FER: variants seen among roughly 807,000 people sequenced by gnomAD.
FER encodes tyrosine-protein kinase Fer.
A neutral mutation model predicts 111.0 loss-of-function variants in FER; 63 were observed. The observed-to-expected ratio is 0.57, with a 90% CI of 0.46 to 0.70. The LOEUF (loss-of-function observed/expected upper bound fraction) is 0.70. FER is among the 30% of genes least tolerant of loss of function. The probability of loss-of-function intolerance (pLI) is 0.00; values close to 1 mark genes in which losing one functional copy is unlikely to be tolerated. For synonymous variants in FER, 327 were observed against 313.9 expected (o/e 1.04, Z -0.44); for missense variants, 914 against 954.0 (o/e 0.96, Z 0.55).
chr5:108,759,518 T>C (rs1439121846), intron 1 of FER, among the ~76,000 whole-genome samples: 1 of 152,254 alleles, frequency 6.6e-6, no homozygotes, highest in African/African-American at 2.4e-5. Context: ...TCTGTCTTAG[T>C]CCATTTTGTG....
intron 13 of FER, among the ~76,000 whole-genome samples, chr5:108,993,236 T>C (rs370569917): frequency 1.3e-5 from 2 of 152,328 alleles, no homozygotes; most frequent in Admixed American, 6.5e-5. Context: ...CACTGCACTC[T>C]AGCCTGGGCA....
intron 3 of FER, among the ~76,000 whole-genome samples, chr5:108,800,929 C>A (rs1756575278): frequency 6.6e-6 from 1 of 152,126 alleles, no homozygotes; most frequent in South Asian, 2.1e-4. Context: ...TGCCTGTAGT[C>A]CCAGCTACTT....
At chr5:108,878,063 A>G (rs1393673672) in intron 8 of FER, among the ~76,000 whole-genome samples, 1 of 151,810 alleles carries the variant, frequency 6.6e-6, no homozygotes, top group Non-Finnish European at 1.5e-5. Flanking sequence ...GCACCACCAT[A>G]CTTGGCTAAT....
At chr5:109,167,906 G>C (rs1756721758) in intron 17 of FER, among the ~76,000 whole-genome samples, 1 of 152,134 alleles carries the variant, frequency 6.6e-6, no homozygotes, top group African/African-American at 2.4e-5. Flanking sequence ...AAAAATAGCT[G>C]AGGGTAAAGA....
Position 108,867,759 on chromosome 5 carries a change from T to G in FER, c.482-8T>G, listed in dbSNP as rs1161095244. ...TTACTAACTTTCTTCAGTTTTTTTT[T>G]TTTTCAGGGAAGGAAACTGAAAAGG... On this transcript the variant is annotated splice_polypyrimidine_tract_variant and splice_region_variant and intron_variant, in intron 5 of 19. Transcript: ENST00000281092. 1 of 1,591,770 alleles carries G rather than the reference T, an allele frequency of 6.3e-7. No homozygotes were observed. The highest frequency in any genetic ancestry group is 8.5e-7 in the Non-Finnish European group (1 of 1,173,800).
At chr5:108,926,915 T>C (rs1753819165) in intron 10 of FER, among the ~76,000 whole-genome samples, 1 of 152,156 alleles carries the variant, frequency 6.6e-6, no homozygotes, top group Non-Finnish European at 1.5e-5. Context: ...CACGAGAGTA[T>C]ATTTTAGGCA....
At chr5:108,878,766 G>A (rs989310752) in intron 8 of FER, among the ~76,000 whole-genome samples, 3 of 152,054 alleles carry the variant, frequency 2.0e-5, no homozygotes, top group African/African-American at 7.2e-5. Flanking sequence ...AGCATCATTA[G>A]CATCATGATA....
At chr5:108,752,741 G>A (rs1298192295) in intron 1 of FER, among the ~76,000 whole-genome samples, 1 of 151,838 alleles carries the variant, frequency 6.6e-6, no homozygotes, top group Non-Finnish European at 1.5e-5. Flanking sequence ...ATTTTTGGAG[G>A]ATATTACATA....
intron 8 of FER, among the ~76,000 whole-genome samples, chr5:108,879,061 G>A (rs1201859988): frequency 6.6e-6 from 1 of 151,978 alleles, no homozygotes; most frequent in Non-Finnish European, 1.5e-5. Flanking sequence ...ATAAATTTAA[G>A]TGCTTATTTA....
At chr5:108,761,886 A>G (rs936895483) in intron 1 of FER, among the ~76,000 whole-genome samples, 10 of 152,090 alleles carry the variant, frequency 6.6e-5, no homozygotes, top group South Asian at 2.1e-4. Context: ...TGTAACTTGT[A>G]TTACCTTATT....
intron 3 of FER, among the ~76,000 whole-genome samples, chr5:108,821,582 T>A (rs778891149): frequency 7.2e-5 from 11 of 152,110 alleles, no homozygotes; most frequent in Non-Finnish European, 1.3e-4. Context: ...GCTTCTTTGA[T>A]CTGTATTTAT....
At chr5:108,866,520 G>A (rs1056415209) in intron 5 of FER, among the ~76,000 whole-genome samples, 3 of 151,816 alleles carry the variant, frequency 2.0e-5, no homozygotes, top group Admixed American at 1.3e-4. Context: ...CACCAACGTG[G>A]CACATGTATA....
Position 109,192,805 on chromosome 5 carries a change from G to GGAAACATA in FER, c.*5232_*5239dup, listed in dbSNP as rs1356194837. On this transcript the variant is annotated 3_prime_UTR_variant, in exon 20 of 20. Coordinates refer to ENST00000281092, the MANE Select transcript of FER (RefSeq NM_005246.4). Reference sequence around the variant, plus strand: ...CTTACTATGATGAGAGCTACTGTGGGGAAACATAGTATTCAACAGAGAAAT... The same window carrying GGAAACATA: ...CTTACTATGATGAGAGCTACTGTGGGGAAACATAGAAACATAGTATTCAACAGAGAAAT... 1 of 152,060 alleles carries GGAAACATA rather than the reference G, an allele frequency of 6.6e-6. No homozygotes were observed. The highest frequency in any genetic ancestry group is 2.4e-5 in the African/African-American group (1 of 41,380). 9.4% of individuals were successfully genotyped at this position (152,060 alleles called of 1,614,324 possible).
In FER at chr5:109,125,375, CTATT is replaced by C. The variant is rs144051848; in HGVS notation, c.2048+24860_2048+24863del. Among the ~76,000 whole-genome samples the C allele has an allele frequency of 8.1e-3, 1,231 of 152,182 alleles. 7 individuals are homozygous for C. The highest frequency in any genetic ancestry group is 0.017 in the Middle Eastern group (5 of 294). On this transcript the variant is annotated intron_variant, in intron 17 of 19. Coordinates refer to ENST00000281092, the MANE Select transcript of FER (RefSeq NM_005246.4). ...ATTAATTGTGATTTAAATATTTTAT[CTATT>C]TATGTAAGTGGTTTTACATAAATAA...
chr5:108,829,877 A>G (rs1313817178), intron 3 of FER, among the ~76,000 whole-genome samples: 2 of 152,206 alleles, frequency 1.3e-5, no homozygotes, highest in African/African-American at 2.4e-5. Context: ...ATAGATAAAT[A>G]ATTGTTTTAA....
At chr5:109,138,867 TA>T (rs1177814859) in intron 17 of FER, among the ~76,000 whole-genome samples, 1 of 152,092 alleles carries the variant, frequency 6.6e-6, no homozygotes, top group Non-Finnish European at 1.5e-5. Context: ...TTTTCAGAAA[TA>T]GAATAAATAC....
At chr5:108,894,338 G>A in intron 9 of FER, 1 of 958,352 alleles carries the variant, frequency 1.0e-6, no homozygotes, top group Non-Finnish European at 1.4e-6. Context: ...AGAGGAGGAG[G>A]AGCCATCACT....
At chr5:108,880,630 C>G (rs1246590616) in intron 8 of FER, among the ~76,000 whole-genome samples, 1 of 151,994 alleles carries the variant, frequency 6.6e-6, no homozygotes, top group Non-Finnish European at 1.5e-5. Flanking sequence ...AGAATATGAA[C>G]TATTCCATGC....
chr5:109,172,234 C>G (rs925079797), intron 17 of FER, among the ~76,000 whole-genome samples: 1 of 151,630 alleles, frequency 6.6e-6, no homozygotes, highest in Non-Finnish European at 1.5e-5. Context: ...GGAACCAACC[C>G]AAATGTCCAA....
Sources: gnomAD v4.1 joint callset for allele counts (sites outside exome capture counted in the v4.1 genomes callset) on GRCh38, gnomAD v4.1.1 for gene constraint, MANE v1.5 for transcripts, NCBI Gene and HGNC (gene_info 2026-07-23, HGNC 2026-07-21) for gene names.